SIMC1: variants seen among roughly 807,000 people sequenced by gnomAD.
The protein encoded by SIMC1 is SUMO interacting motifs containing 1, also known as SUMO-interacting motif-containing protein 1.
Under a neutral mutation model 82.3 loss-of-function variants are expected in SIMC1, and 55 were observed. That is an observed-to-expected ratio of 0.67 (90% CI 0.54 to 0.84). The LOEUF is 0.84. Among genes scored for constraint, SIMC1 ranks in the 40% least tolerant of loss-of-function variants. The pLI is 0.00. For missense variants in SIMC1, 915 were observed against 1,107.2 expected, an observed-to-expected ratio of 0.83 and a Z score of 2.46; for synonymous variants, 353 against 426.3, an observed-to-expected ratio of 0.83 and a Z score of 2.12.
chr5:176,255,577 CTTTT>C (rs57239326), intron 1 of SIMC1, among the ~76,000 whole-genome samples: 9 of 134,362 alleles, frequency 6.7e-5, no homozygotes, highest in East Asian at 2.2e-4. Context: ...GTGAGACTGT[CTTTT>C]TTTTTTTTTT....
At chr5:176,342,841 A>G (rs778139370) in intron 9 of SIMC1, among the ~76,000 whole-genome samples, 35 of 152,186 alleles carry the variant, frequency 2.3e-4, no homozygotes, top group Non-Finnish European at 4.3e-4. Context: ...ACTATAATCA[A>G]TATTGTTGAC....
At chr5:176,276,786 T>G (rs2113204413) in intron 1 of SIMC1, among the ~76,000 whole-genome samples, 1 of 141,948 alleles carries the variant, frequency 7.0e-6, no homozygotes, top group African/African-American at 2.6e-5. Flanking sequence ...CTCATCATTT[T>G]TTATGGCTGC....
intron 1 of SIMC1, among the ~76,000 whole-genome samples, chr5:176,286,299 A>G: frequency 6.6e-6 from 1 of 152,272 alleles, no homozygotes; most frequent in African/African-American, 2.4e-5. Flanking sequence ...ATATAGAGCA[A>G]TGGAACAGAA....
chr5:176,252,803 G>C (rs1437712123), intron 1 of SIMC1, among the ~76,000 whole-genome samples: 5 of 152,232 alleles, frequency 3.3e-5, no homozygotes, highest in African/African-American at 4.8e-5. Context: ...GGGAGGTGTA[G>C]GTTGTAGCGA....
intron 1 of SIMC1, among the ~76,000 whole-genome samples, chr5:176,269,318 G>A (rs1762330306): frequency 6.6e-6 from 1 of 152,156 alleles, no homozygotes; most frequent in Non-Finnish European, 1.5e-5. Flanking sequence ...TACCAATATT[G>A]GGGATAAAAA....
At chr5:176,257,393 C>T (rs1761881450) in intron 1 of SIMC1, among the ~76,000 whole-genome samples, 1 of 152,096 alleles carries the variant, frequency 6.6e-6, no homozygotes, top group Admixed American at 6.6e-5. Flanking sequence ...AAAGACTGTA[C>T]AGGAAGCATG....
chr5:176,278,708 C>T (rs1762834464), intron 1 of SIMC1, among the ~76,000 whole-genome samples: 1 of 111,796 alleles, frequency 8.9e-6, no homozygotes, highest in Non-Finnish European at 1.9e-5. Context: ...TTGAGATAAT[C>T]ATGTGGTTTT....
chr5:176,321,455 A>C (rs1765154292), intron 5 of SIMC1, among the ~76,000 whole-genome samples: 1 of 151,576 alleles, frequency 6.6e-6, no homozygotes, highest in Non-Finnish European at 1.5e-5. Flanking sequence ...AAAAAAAAAA[A>C]CTCACTGCTA....
intron 1 of SIMC1, among the ~76,000 whole-genome samples, chr5:176,288,148 C>T (rs1763379629): frequency 6.6e-6 from 1 of 152,222 alleles, no homozygotes; most frequent in Admixed American, 6.5e-5. Context: ...TGGCTCGTGC[C>T]TGTAATCCCA....
At chr5:176,329,471 G>A (rs1176474552) in intron 7 of SIMC1, among the ~76,000 whole-genome samples, 1 of 148,832 alleles carries the variant, frequency 6.7e-6, no homozygotes, top group Non-Finnish European at 1.5e-5. Context: ...AGTCCAGCCT[G>A]GGCGAAAGAG....
chr5:176,323,200 A>G (rs1481966413), intron 6 of SIMC1, among the ~76,000 whole-genome samples: 1 of 152,194 alleles, frequency 6.6e-6, no homozygotes, highest in East Asian at 1.9e-4. Context: ...AAACAATTTT[A>G]TATCTAAAGG....
chr5:176,296,188 C>G, intron 3 of SIMC1, 63 bp from the exon 4 acceptor site: 1 of 1,596,946 alleles, frequency 6.3e-7, no homozygotes, highest in Non-Finnish European at 8.5e-7. Context: ...CTATCACCTT[C>G]AGATCCTATC....
At chr5:176,332,167 C>T (rs1411394416) in intron 7 of SIMC1, among the ~76,000 whole-genome samples, 1 of 152,022 alleles carries the variant, frequency 6.6e-6, no homozygotes, top group African/African-American at 2.4e-5. Flanking sequence ...TATTTGTTTC[C>T]TGTTTGTTCT....
In SIMC1 at chr5:176,305,028, G is replaced by C. The variant is rs1459608722; in HGVS notation, c.1735-8663G>C. On this transcript the variant is annotated intron_variant, in intron 4 of 9. Transcript: ENST00000429602. ...TGAGAAGTGAGGAGCCTCTCCGCCC[G>C]GCAGCCACCCCATCTGGGAAGTGAG... 1.2e-3 allele frequency among the ~76,000 whole-genome samples: 167 copies of C among 142,754 alleles called. 1 individual carries two copies. Among genetic ancestry groups the C allele is most frequent in the African/African-American group, 4.1e-3 (159 of 38,504 alleles). 93.7% of individuals were successfully genotyped at this position (142,754 alleles called of 152,430 possible).
At chr5:176,242,839 C>G (rs1430202743) in intron 1 of SIMC1, among the ~76,000 whole-genome samples, 3 of 151,880 alleles carry the variant, frequency 2.0e-5, no homozygotes, top group Non-Finnish European at 2.9e-5. Context: ...AAACCAAGTC[C>G]CTGCCGTCAT....
chr5:176,244,719 C>CTTTTT (rs1177032281), intron 1 of SIMC1, among the ~76,000 whole-genome samples: 2 of 114,498 alleles, frequency 1.7e-5, no homozygotes, highest in Admixed American at 1.0e-4. Context: ...TTTTTTTTTC[C>CTTTTT]TTTTTTTTTT....
At chr5:176,266,415 A>G (rs1301899305) in intron 1 of SIMC1, among the ~76,000 whole-genome samples, 1 of 152,270 alleles carries the variant, frequency 6.6e-6, no homozygotes, top group East Asian at 1.9e-4. Context: ...TAGGCACAAC[A>G]GAGGACCCCC....
chr5:176,282,245 A>T (rs113644298), intron 1 of SIMC1, among the ~76,000 whole-genome samples: 21,339 of 152,286 alleles, frequency 0.14, 1,510 homozygotes, highest in Middle Eastern at 0.2. Flanking sequence ...CAGGTGCAGG[A>T]TATAATCTCC....
chr5:176,257,598 G>A (rs1581222560), intron 1 of SIMC1, among the ~76,000 whole-genome samples: 1 of 152,268 alleles, frequency 6.6e-6, no homozygotes, highest in East Asian at 1.9e-4. Flanking sequence ...TGAGGGATAT[G>A]CCCCCATGAC....
Sources: allele counts gnomAD v4.1 joint callset (sites outside exome capture counted in the v4.1 genomes callset), GRCh38; gene constraint gnomAD v4.1.1; transcripts MANE v1.5; gene names NCBI Gene and HGNC (gene_info 2026-07-23, HGNC 2026-07-21).